The following CHST9 variants were observed in gnomAD, a reference collection of about 807,000 sequenced individuals.
CHST9 encodes the protein GalNAc-4-sulfotransferase 2.
Under a neutral mutation model 44.4 loss-of-function variants are expected in CHST9, and 41 were observed. That is an observed-to-expected ratio of 0.92 (90% CI 0.72 to 1.20). The LOEUF is 1.20. CHST9 is among the 50% of genes most tolerant of loss of function. CHST9 has a pLI of 0.00. For missense variants in CHST9, 504 were observed against 516.5 expected (o/e 0.98, Z 0.23); for synonymous variants, 171 against 178.4 (o/e 0.96, Z 0.33).
At chr18:27,062,899 C>T (rs73404816) in intron 2 of CHST9, among the ~76,000 whole-genome samples, 5,328 of 152,268 alleles carry the variant, frequency 0.035, 127 homozygotes, top group East Asian at 0.071. Flanking sequence ...ATTTGCATTT[C>T]TCTGATGGCC....
intron 2 of CHST9, among the ~76,000 whole-genome samples, chr18:27,104,333 A>C (rs974043168): frequency 6.6e-6 from 1 of 152,170 alleles, no homozygotes; most frequent in African/African-American, 2.4e-5. Flanking sequence ...GCAGATGCAA[A>C]ATTTTCTGTG....
intron 1 of CHST9, among the ~76,000 whole-genome samples, chr18:27,145,069 TTAAG>T: frequency 6.6e-6 from 1 of 152,240 alleles, no homozygotes; most frequent in Admixed American, 6.5e-5. Context: ...AGTGAATGTA[TTAAG>T]TAATTAGAAT....
chr18:27,150,375 G>A (rs2058650107), intron 1 of CHST9, among the ~76,000 whole-genome samples: 1 of 152,122 alleles, frequency 6.6e-6, no homozygotes, highest in South Asian at 2.1e-4. Flanking sequence ...ACAGCTTCAG[G>A]TGGAGATTGC....
chr18:27,175,468 G>A (rs1250194516), intron 1 of CHST9, among the ~76,000 whole-genome samples: 1 of 152,000 alleles, frequency 6.6e-6, no homozygotes, highest in Non-Finnish European at 1.5e-5. Context: ...AAATTCAACA[G>A]CCCTGCCCTA....
chr18:26,975,649 G>GTATATATATATATATATATATA (rs36030325), intron 4 of CHST9, among the ~76,000 whole-genome samples: 7 of 126,920 alleles, frequency 5.5e-5, no homozygotes, highest in African/African-American at 2.1e-4. Flanking sequence ...ATGTATGTGT[G>GTATATATATATATATATATATA]TATATATATA....
At chr18:27,095,840 GA>G (rs972911055) in intron 2 of CHST9, among the ~76,000 whole-genome samples, 1 of 151,986 alleles carries the variant, frequency 6.6e-6, no homozygotes, top group Admixed American at 6.6e-5. Context: ...GATAGTGGGG[GA>G]CTTCAATACC....
chr18:26,987,034 T>G (rs1225517339), intron 4 of CHST9, among the ~76,000 whole-genome samples: 1 of 152,190 alleles, frequency 6.6e-6, no homozygotes, highest in African/African-American at 2.4e-5. Flanking sequence ...TGATTTGCTT[T>G]TCCCCACCAA....
At chr18:27,168,220 G>A (rs1285736182) in intron 1 of CHST9, among the ~76,000 whole-genome samples, 1 of 152,036 alleles carries the variant, frequency 6.6e-6, no homozygotes, top group Non-Finnish European at 1.5e-5. Context: ...GACTACAGGT[G>A]CCCACCACCA....
At chr18:27,018,366 C>G (rs143348602) in intron 4 of CHST9, among the ~76,000 whole-genome samples, 1 of 152,110 alleles carries the variant, frequency 6.6e-6, no homozygotes, top group Non-Finnish European at 1.5e-5. Context: ...AAGAGAATAG[C>G]TAAATTAACT....
intron 4 of CHST9, among the ~76,000 whole-genome samples, chr18:27,006,988 T>C (rs1154205): frequency 6.6e-5 from 10 of 151,894 alleles, no homozygotes; most frequent in African/African-American, 2.2e-4. Flanking sequence ...CGTGCATGTG[T>C]GTGTGCGTGT....
intron 3 of CHST9, 117 bp from the exon 4 acceptor site, chr18:27,024,274 G>T: frequency 1.3e-6 from 1 of 756,878 alleles, no homozygotes. Context: ...CAAGGAAAAT[G>T]ATGGGAAGGG....
intron 4 of CHST9, among the ~76,000 whole-genome samples, chr18:26,994,448 C>A (rs763626170): frequency 1.3e-5 from 2 of 151,946 alleles, no homozygotes; most frequent in African/African-American, 4.8e-5. Context: ...TTCTCAGTAC[C>A]TTTTCTCAAT....
chr18:27,179,697 G>GTACATAAT (rs1331758956), intron 1 of CHST9, among the ~76,000 whole-genome samples: 8 of 151,902 alleles, frequency 5.3e-5, no homozygotes, highest in Admixed American at 1.3e-4. Flanking sequence ...GTATAACCTG[G>GTACATAAT]TACATAATTA....
chr18:26,957,715 C>T (rs531708572), intron 4 of CHST9, among the ~76,000 whole-genome samples: 189 of 152,206 alleles, frequency 1.2e-3, no homozygotes, highest in African/African-American at 4.3e-3. Flanking sequence ...GCAAAGATAG[C>T]TGTGGTGTGA....
At chr18:27,054,179 T>C (rs2057623791) in intron 2 of CHST9, among the ~76,000 whole-genome samples, 1 of 152,116 alleles carries the variant, frequency 6.6e-6, no homozygotes, top group Non-Finnish European at 1.5e-5. Flanking sequence ...TAAAATGCAG[T>C]GAAAGTACAA....
chr18:26,926,507 A>G (rs2055770822), intron 5 of CHST9, among the ~76,000 whole-genome samples: 3 of 152,196 alleles, frequency 2.0e-5, no homozygotes, highest in Admixed American at 6.5e-5. Flanking sequence ...GGGGTTCAAT[A>G]TGCTTTTATA....
At chr18:27,106,018 T>C (rs1257875524) in intron 2 of CHST9, among the ~76,000 whole-genome samples, 1 of 152,164 alleles carries the variant, frequency 6.6e-6, no homozygotes, top group African/African-American at 2.4e-5. Context: ...AGGCAGGCTA[T>C]TTTACTCACG....
chr18:27,052,047 C>T lies in CHST9; in HGVS notation c.122-3544G>A, dbSNP rs2057572892. 1.3e-5 allele frequency among the ~76,000 whole-genome samples: 2 copies of T among 152,110 alleles called. 1 individual carries two copies. The highest frequency in any genetic ancestry group is 6.8e-3 in the Middle Eastern group (2 of 294). ...GTTTCAGAAGGGAGGCTGAAAGGTG[C>T]AACTTTTTTTTATGAATACCTCAAA... On this transcript the variant is annotated intron_variant, in intron 2 of 5. Transcript: ENST00000618847.
At chr18:26,946,681 G>A (rs890326601) in intron 4 of CHST9, among the ~76,000 whole-genome samples, 1 of 152,144 alleles carries the variant, frequency 6.6e-6, no homozygotes, top group Non-Finnish European at 1.5e-5. Context: ...AATCCATCTT[G>A]AGTTAATTTT....
Sources: allele counts gnomAD v4.1 joint callset (sites outside exome capture counted in the v4.1 genomes callset), GRCh38; gene constraint gnomAD v4.1.1; transcripts MANE v1.5; gene names NCBI Gene and HGNC (gene_info 2026-07-23, HGNC 2026-07-21).